Variants in E2F5 observed in about 807,000 individuals in gnomAD.
The protein encoded by E2F5 is E2F transcription factor 5.
E2F5 carries 23 observed loss-of-function variants against 39.1 expected under a neutral mutation model. The observed-to-expected ratio is 0.59, with a 90% CI of 0.42 to 0.83. The LOEUF is 0.83. Among genes scored for constraint, E2F5 ranks in the 40% least tolerant of loss-of-function variants. The pLI is 0.00. For missense variants in E2F5, 365 were observed against 406.7 expected (o/e 0.90, Z 0.88); for synonymous variants, 145 against 157.8 (o/e 0.92, Z 0.61).
At chr8:85,206,156 C>A in intron 3 of E2F5, 21 bp from the exon 4 acceptor site, 1 of 1,610,966 alleles carries the variant, frequency 6.2e-7, no homozygotes, top group South Asian at 1.1e-5. Flanking sequence ...AAATGTCGTT[C>A]CTTAACTCCT....
At chr8:85,188,162 ATTT>A (rs1441346913) in intron 1 of E2F5, among the ~76,000 whole-genome samples, 1 of 152,102 alleles carries the variant, frequency 6.6e-6, no homozygotes, top group Admixed American at 6.5e-5. Context: ...AGCTACTATG[ATTT>A]TTAATAGTTT....
rs1813021644 is a variant in E2F5, at chr8:85,213,940, A to T, written c.*78A>T. ...ACTTCTTAATAACCTAAATATTTAA[A>T]ATAATGAATGTAACACCTTTTTTAG... On this transcript the variant is annotated 3_prime_UTR_variant, in exon 8 of 8. Coordinates refer to ENST00000416274, the MANE Select transcript of E2F5 (RefSeq NM_001951.4). 2.4e-6 allele frequency: 2 copies of T among 823,702 alleles called. No individual in the cohort carries two copies. The highest frequency in any genetic ancestry group is 4.0e-6 in the Non-Finnish European group (2 of 505,528). The allele number at this position is 823,702 out of a possible 1,614,324, so 51.0% of individuals were successfully genotyped here.
At chr8:85,209,113 A>T in intron 5 of E2F5, 29 bp from the exon 6 acceptor site, 1 of 1,600,634 alleles carries the variant, frequency 6.2e-7, no homozygotes, top group South Asian at 1.1e-5. Flanking sequence ...TAATAATTAT[A>T]CATTTGTTTA....
Position 85,214,204 on chromosome 8 carries a change from C to T in E2F5, c.*342C>T, listed in dbSNP as rs1291548943. On this transcript the variant is annotated 3_prime_UTR_variant, in exon 8 of 8. Coordinates refer to ENST00000416274, the MANE Select transcript of E2F5 (RefSeq NM_001951.4). ...TACAGGTCATCAAAAACAAGTTGGC[C>T]AAGGACTCATTACTTGTCTTATATT... is the stretch of plus-strand genomic sequence containing the variant. The T allele has an allele frequency of 1.7e-5, 9 of 536,970 alleles. No individual in the cohort carries two copies. Among genetic ancestry groups the T allele is most frequent in the Non-Finnish European group, 2.5e-5 (7 of 281,162 alleles). The allele number at this position is 536,970 out of a possible 1,614,324, so 33.3% of individuals were successfully genotyped here.
At chr8:85,203,306 G>A in intron 3 of E2F5, 51 bp downstream of exon 3, 1 of 1,373,444 alleles carries the variant, frequency 7.3e-7, no homozygotes. Context: ...GAATATGTAT[G>A]TATAAATCAT....
At chr8:85,188,840 G>T (rs1256873676) in intron 1 of E2F5, among the ~76,000 whole-genome samples, 2 of 152,114 alleles carry the variant, frequency 1.3e-5, no homozygotes, top group African/African-American at 2.4e-5. Flanking sequence ...TCCTTGCTGT[G>T]CTTCCTAGGG....
At chr8:85,196,932 C>T (rs1303384423) in intron 1 of E2F5, among the ~76,000 whole-genome samples, 1 of 152,064 alleles carries the variant, frequency 6.6e-6, no homozygotes, top group Non-Finnish European at 1.5e-5. Context: ...TGAAATAGAT[C>T]AACATAAAGT....
At chr8:85,207,604 G>GT in intron 5 of E2F5, 115 bp downstream of exon 5, 1 of 752,422 alleles carries the variant, frequency 1.3e-6, no homozygotes, top group Non-Finnish European at 2.1e-6. Context: ...AGTTAGTCAA[G>GT]TTTTTATCTA....
rs746852773 is a variant in E2F5 at position 85,177,609 on chromosome 8, G to A, written c.189G>A (p.Val63=). 3.1e-6 allele frequency: 4 copies of A among 1,297,968 alleles called. No individual in the cohort carries two copies. In the African/African-American group the frequency reaches 6.0e-5, roughly 20 times the overall value. The allele number at this position is 1,297,968 out of a possible 1,614,324, so 80.4% of individuals were successfully genotyped here. ...TGGGGCTGCTCACTACCAAGTTCGTGTCGCTGCTGCAGGAGGCCAAGGACG... is the reference window on the plus strand; with the variant it reads ...TGGGGCTGCTCACTACCAAGTTCGTATCGCTGCTGCAGGAGGCCAAGGACG... ...KSLGLLTTKF[V]SLLQEAKDGV... is the part of the protein sequence containing the mutation. Residue 63 remains valine, a synonymous_variant, in exon 1 of 8, where the codon GTG becomes GTA. Coordinates refer to ENST00000416274, the MANE Select transcript of E2F5 (RefSeq NM_001951.4).
intron 1 of E2F5, among the ~76,000 whole-genome samples, chr8:85,186,557 A>G (rs1286630467): frequency 1.3e-5 from 2 of 148,782 alleles, no homozygotes; most frequent in Non-Finnish European, 3.0e-5. Flanking sequence ...GTATATACAT[A>G]AGGTATATAT....
intron 1 of E2F5, chr8:85,200,259 GAA>G (rs906160335): frequency 8.7e-6 from 8 of 923,454 alleles, no homozygotes; most frequent in Middle Eastern, 5.6e-4. Flanking sequence ...AAAAAAAAAA[GAA>G]TGATGGGACT....
intron 1 of E2F5, among the ~76,000 whole-genome samples, chr8:85,181,502 GT>G (rs370980472): frequency 0.013 from 1,666 of 131,346 alleles, 26 homozygotes; most frequent in African/African-American, 0.042. Flanking sequence ...GGCTAGTTTT[GT>G]TTTTTTTTTT....
At chr8:85,193,679 T>A (rs1262397787) in intron 1 of E2F5, among the ~76,000 whole-genome samples, 1 of 152,224 alleles carries the variant, frequency 6.6e-6, no homozygotes, top group Non-Finnish European at 1.5e-5. Flanking sequence ...CTCTGCTTTT[T>A]TTCCTGTGAA....
rs368524242 is a variant in E2F5 at position 85,203,089 on chromosome 8, T to C, written c.345-5T>C. On this transcript the variant is annotated splice_region_variant and splice_polypyrimidine_tract_variant and intron_variant, in intron 2 of 7. Coordinates refer to ENST00000416274, the MANE Select transcript of E2F5 (RefSeq NM_001951.4). ...TGAGGATATTAATTCTCATATGTTT[T>C]TAAGAGGTGTAGGTGCTGGCTGTAA... 1.3e-6 allele frequency: 2 copies of C among 1,486,800 alleles called. No homozygotes were observed. The highest frequency in any genetic ancestry group is 2.8e-5 in the African/African-American group (2 of 70,852). 92.1% of individuals were successfully genotyped at this position (1,486,800 alleles called of 1,614,324 possible).
At chr8:85,189,825 G>T (rs1312748507) in intron 1 of E2F5, among the ~76,000 whole-genome samples, 2 of 151,968 alleles carry the variant, frequency 1.3e-5, no homozygotes, top group Non-Finnish European at 2.9e-5. Flanking sequence ...GTGCCCCGTT[G>T]TTCTTTATTT....
intron 1 of E2F5, among the ~76,000 whole-genome samples, chr8:85,192,508 CAA>C (rs1812486510): frequency 1.3e-5 from 2 of 152,072 alleles, no homozygotes; most frequent in African/African-American, 4.8e-5. Flanking sequence ...GAAAATAAGA[CAA>C]GAGAAAAGTC....
intron 1 of E2F5, among the ~76,000 whole-genome samples, chr8:85,190,256 A>G (rs1482091535): frequency 6.6e-6 from 1 of 151,824 alleles, no homozygotes; most frequent in Non-Finnish European, 1.5e-5. Flanking sequence ...ACACACACAC[A>G]CACACCCCAC....
intron 1 of E2F5, among the ~76,000 whole-genome samples, chr8:85,193,684 T>G (rs1384021915): frequency 6.6e-6 from 1 of 152,210 alleles, no homozygotes; most frequent in Non-Finnish European, 1.5e-5. Flanking sequence ...CTTTTTTTCC[T>G]GTGAATTAGA....
chr8:85,200,083 C>T (rs1472812117), intron 1 of E2F5, among the ~76,000 whole-genome samples: 2 of 152,202 alleles, frequency 1.3e-5, no homozygotes, highest in African/African-American at 2.4e-5. Flanking sequence ...CTCGTCTCTA[C>T]TAAAAATACA....
Sources: allele counts gnomAD v4.1 joint callset (sites outside exome capture counted in the v4.1 genomes callset), GRCh38; gene constraint gnomAD v4.1.1; transcripts MANE v1.5; gene names NCBI Gene and HGNC (gene_info 2026-07-23, HGNC 2026-07-21).